CDC42BPA: variants seen among roughly 807,000 people sequenced by gnomAD.
CDC42BPA encodes the protein serine/threonine-protein kinase MRCK alpha.
A neutral mutation model predicts 223.5 loss-of-function variants in CDC42BPA; 80 were observed. The ratio of observed to expected loss-of-function variants is 0.36; its 90% CI spans 0.30 to 0.43. CDC42BPA has a LOEUF of 0.43. Among genes scored for constraint, CDC42BPA ranks in the 20% least tolerant of loss-of-function variants. The probability of loss-of-function intolerance (pLI) is 1.00; values close to 1 mark genes in which losing one functional copy is unlikely to be tolerated. For missense variants in CDC42BPA, 1,743 were observed against 2,099.9 expected (o/e 0.83, Z 3.32); for synonymous variants, 694 against 718.6 (o/e 0.97, Z 0.55).
At chr1:227,068,019 A>C (rs1257002471) in intron 21 of CDC42BPA, among the ~76,000 whole-genome samples, 5 of 152,066 alleles carry the variant, frequency 3.3e-5, no homozygotes, top group Non-Finnish European at 7.4e-5. Flanking sequence ...AGGAACTTCT[A>C]AATTATTAAA....
At chr1:227,149,950 G>A (rs951265634) in intron 6 of CDC42BPA, among the ~76,000 whole-genome samples, 2 of 152,106 alleles carry the variant, frequency 1.3e-5, no homozygotes, top group Non-Finnish European at 2.9e-5. Context: ...GAGGTTGAGC[G>A]CAGTGGCTCA....
rs867742001 is a variant in CDC42BPA, at chr1:227,318,074, C to T, written c.-892G>A. The stretch of plus-strand genomic sequence containing the variant: ...TGGTCGCTCGTGGGCCGAGCCGCGC[C>T]GCGCCGCGCCGGGCAGAGAGCCCGG... On this transcript the variant is annotated 5_prime_UTR_variant, in exon 1 of 37. Coordinates refer to ENST00000366766, the MANE Select transcript of CDC42BPA (RefSeq NM_001394014.1). 1 of 267,098 alleles carries T rather than the reference C, an allele frequency of 3.7e-6. No individual in the cohort carries two copies. The highest frequency in any genetic ancestry group is 7.0e-6 in the Non-Finnish European group (1 of 143,718). The allele number at this position is 267,098 out of a possible 1,614,324, so 16.5% of individuals were successfully genotyped here.
chr1:227,152,245 AT>A (rs1005500700), intron 6 of CDC42BPA, among the ~76,000 whole-genome samples: 2 of 152,008 alleles, frequency 1.3e-5, no homozygotes, highest in South Asian at 2.1e-4. Context: ...GAATTTATCT[AT>A]TTTTTTCTTT....
At chr1:227,217,493 C>G (rs1056632515) in intron 2 of CDC42BPA, among the ~76,000 whole-genome samples, 5 of 151,710 alleles carry the variant, frequency 3.3e-5, no homozygotes, top group African/African-American at 1.2e-4. Context: ...CCTGGATTGT[C>G]CTACCTGACC....
In CDC42BPA at chr1:227,241,307, G is replaced by C. The variant is rs551940428; in HGVS notation, c.270+12757C>G. Among the ~76,000 whole-genome samples the C allele has an allele frequency of 7.9e-5, 12 of 152,134 alleles. No individual in the cohort carries two copies. The East Asian group carries it at 2.3e-3, about 29-fold the overall frequency. On this transcript the variant is annotated intron_variant, in intron 2 of 36. Transcript: ENST00000366766. ...GCCAGTTTCTTTTAAATTTAAACAT[G>C]CAACTACTGCCTAGCATAGCAGTTC... is the stretch of plus-strand genomic sequence containing the variant.
At chr1:227,219,992 CA>C (rs1675546589) in intron 2 of CDC42BPA, among the ~76,000 whole-genome samples, 1 of 152,048 alleles carries the variant, frequency 6.6e-6, no homozygotes, top group African/African-American at 2.4e-5. Context: ...AAAGACACCT[CA>C]CACTAAATCT....
In CDC42BPA at chr1:226,994,371, G is replaced by A. The variant is rs1661144197; in HGVS notation, c.5162C>T (p.Ala1721Val). ...EDSDSPRHST[A>V]SNSSNLSSPP... ...GCTGCTTAGGTTGGAACTGTTGGAA[G>A]CTGTGGAATGCCTCGGAGAGTCAGA... Residue 1721 changes from alanine to valine, a missense_variant, in exon 37 of 37, where the codon GCT becomes GTT. By Grantham distance (64) the Ala-to-Val change is moderately conservative. Transcript: ENST00000366766. The surrounding 1 kb of genome is among the most constrained non-coding windows in gnomAD (Gnocchi z 4.0). The A allele has an allele frequency of 1.3e-6, 2 of 1,583,404 alleles. No homozygotes were observed. Among genetic ancestry groups the A allele is most frequent in the Non-Finnish European group, 1.7e-6 (2 of 1,163,150 alleles).
At chr1:227,253,597 A>AAAATAAAT (rs368265961) in intron 2 of CDC42BPA, among the ~76,000 whole-genome samples, 4,122 of 148,054 alleles carry the variant, frequency 0.028, 149 homozygotes, top group African/African-American at 0.075. Flanking sequence ...CTCCATCTCA[A>AAAATAAAT]AAATAAATAA....
chr1:227,073,439 T>C (rs1299039301), intron 19 of CDC42BPA, among the ~76,000 whole-genome samples: 1 of 152,084 alleles, frequency 6.6e-6, no homozygotes, highest in African/African-American at 2.4e-5. Context: ...ATTATGAAAT[T>C]TGCCATCAAT....
chr1:227,008,438 G>A (rs1202941725), intron 34 of CDC42BPA, among the ~76,000 whole-genome samples: 1 of 152,074 alleles, frequency 6.6e-6, no homozygotes, highest in Non-Finnish European at 1.5e-5. Context: ...AGGCTTTTGA[G>A]GTTAAAAGAA....
chr1:227,245,129 T>C (rs1201006563), intron 2 of CDC42BPA, among the ~76,000 whole-genome samples: 2 of 152,066 alleles, frequency 1.3e-5, no homozygotes, highest in South Asian at 2.1e-4. Flanking sequence ...CAACTCCTAG[T>C]GCTTAGAGCC....
chr1:227,254,801 G>C (rs1005270941), intron 1 of CDC42BPA, among the ~76,000 whole-genome samples: 2 of 152,284 alleles, frequency 1.3e-5, no homozygotes, highest in Non-Finnish European at 2.9e-5. Context: ...TAATTATGTG[G>C]ATACTAATGC....
At chr1:227,160,201 T>C (rs1418971489) in intron 6 of CDC42BPA, among the ~76,000 whole-genome samples, 1 of 152,206 alleles carries the variant, frequency 6.6e-6, no homozygotes, top group African/African-American at 2.4e-5. Flanking sequence ...CTGCGTTTTC[T>C]TTTTCTATGT....
intron 14 of CDC42BPA, among the ~76,000 whole-genome samples, chr1:227,107,939 C>G (rs1686223631): frequency 6.6e-6 from 1 of 152,058 alleles, no homozygotes; most frequent in Non-Finnish European, 1.5e-5. Flanking sequence ...TTCCCTTATA[C>G]TTCTGATTTT....
chr1:227,044,640 G>C (rs1000082457), intron 23 of CDC42BPA, among the ~76,000 whole-genome samples: 1 of 152,082 alleles, frequency 6.6e-6, no homozygotes, highest in African/African-American at 2.4e-5. Flanking sequence ...ACAGTTTTTT[G>C]ATTTGAGACG....
In CDC42BPA at chr1:227,145,621, A is replaced by G; in HGVS notation, c.1011T>C (p.Phe337=). The change falls in exon 8 of 37, where the codon TTT becomes TTC. Residue 337 remains phenylalanine (F), a synonymous_variant. Transcript: ENST00000366766. ...TTCCACTGAAAAATGGGTGTTTCTTAAAGTCTTCTATTCCATTTTGACCAA... is the reference window on the plus strand; with the variant it reads ...TTCCACTGAAAAATGGGTGTTTCTTGAAGTCTTCTATTCCATTTTGACCAA... ...HRLGQNGIED[F]KKHPFFSGID... is the part of the protein sequence containing the mutation. 1 of 1,613,882 alleles carries G rather than the reference A, an allele frequency of 6.2e-7. No homozygotes were observed. Among genetic ancestry groups the G allele is most frequent in the South Asian group, 1.1e-5 (1 of 91,076 alleles).
chr1:227,178,417 C>T (rs960121044), intron 5 of CDC42BPA: 13 of 153,132 alleles, frequency 8.5e-5, no homozygotes, highest in African/African-American at 3.1e-4. Flanking sequence ...TGTGAGGCTT[C>T]TCCAGCCACG....
intron 5 of CDC42BPA, among the ~76,000 whole-genome samples, chr1:227,184,588 C>T (rs1339079489): frequency 6.6e-6 from 1 of 152,074 alleles, no homozygotes; most frequent in Non-Finnish European, 1.5e-5. Flanking sequence ...GGCTTAATAT[C>T]TGGTAGAGTG....
chr1:227,196,189 AG>A lies in CDC42BPA; in HGVS notation c.451-2256del, dbSNP rs1380889114. On this transcript the variant is annotated intron_variant, in intron 4 of 36. Coordinates refer to ENST00000366766, the MANE Select transcript of CDC42BPA (RefSeq NM_001394014.1). ...TATGTGTCCCAAAATGAGCATTTCA[AG>A]GAACAGATATAATTCTAGAAGTCTT... is the stretch of plus-strand genomic sequence containing the variant. 7.2e-5 allele frequency among the ~76,000 whole-genome samples: 11 copies of A among 152,204 alleles called. No individual in the cohort carries two copies. In the South Asian group the frequency reaches 2.3e-3, roughly 32 times the overall value.
Sources: allele counts gnomAD v4.1 joint callset (sites outside exome capture counted in the v4.1 genomes callset), GRCh38; gene constraint gnomAD v4.1.1; non-coding constraint Gnocchi (gnomAD v3.1); transcripts MANE v1.5; gene names NCBI Gene and HGNC (gene_info 2026-07-23, HGNC 2026-07-21).